The following NAALADL2 variants were observed in gnomAD, a reference collection of about 807,000 sequenced individuals.
The protein encoded by NAALADL2 is inactive N-acetylated-alpha-linked acidic dipeptidase-like protein 2.
In NAALADL2, 76 loss-of-function variants were observed where a neutral mutation model predicts 87.2. The observed-to-expected ratio is 0.87, with a 90% CI of 0.72 to 1.05. The LOEUF is 1.05. Among genes scored for constraint, NAALADL2 ranks in the 50% least tolerant of loss-of-function variants. The pLI is 0.00. For missense variants in NAALADL2, 1,089 were observed against 945.8 expected, an observed-to-expected ratio of 1.15 and a Z score of -1.99; for synonymous variants, 354 against 331.0, an observed-to-expected ratio of 1.07 and a Z score of -0.75.
rs867687826 is a variant in NAALADL2 at position 175,013,206 on chromosome 3, A to G, written c.44-83584A>G. ...TATATAAATATATATACATAAATAT[A>G]TAATATATATTTATATATAAATATA... On this transcript the variant is annotated intron_variant, in intron 1 of 13. Coordinates refer to ENST00000454872, the MANE Select transcript of NAALADL2 (RefSeq NM_207015.3). 2.8e-3 allele frequency among the ~76,000 whole-genome samples: 273 copies of G among 96,692 alleles called. 2 individuals carry two copies. Among genetic ancestry groups the G allele is most frequent in the Admixed American group, 3.7e-3 (28 of 7,512 alleles). The allele number at this position is 96,692 out of a possible 152,430, so 63.4% of individuals were successfully genotyped here. A position where few individuals can be genotyped will look rare whatever the true frequency, so the allele number is the denominator to read the frequency against.
chr3:175,119,711 A>ATATAGATATAGATATAGATATAGT (rs1459782317), intron 2 of NAALADL2, among the ~76,000 whole-genome samples: 2 of 147,984 alleles, frequency 1.4e-5, no homozygotes, highest in East Asian at 3.9e-4. Context: ...ATAGATATAG[A>ATATAGATATAGATATAGATATAGT]TATATAATGT....
chr3:174,790,457 C>A (rs1276690945), intron 3 of NAALADL2, among the ~76,000 whole-genome samples: 7 of 151,960 alleles, frequency 4.6e-5, no homozygotes, highest in Admixed American at 2.6e-4. Context: ...CGAGACCAGC[C>A]TGGCCAACAT....
At chr3:175,729,760 A>G (rs1297858721) in intron 11 of NAALADL2, among the ~76,000 whole-genome samples, 1 of 142,382 alleles carries the variant, frequency 7.0e-6, no homozygotes, top group African/African-American at 2.7e-5. Flanking sequence ...AATTTAATTC[A>G]GCTGAAGGTT....
chr3:174,721,649 C>G (rs773509689), intron 2 of NAALADL2, among the ~76,000 whole-genome samples: 2 of 152,184 alleles, frequency 1.3e-5, no homozygotes, highest in Non-Finnish European at 2.9e-5. Context: ...ACTATGTAAG[C>G]TAATGAATGT....
At chr3:175,431,836 T>A (rs898099750) in intron 5 of NAALADL2, among the ~76,000 whole-genome samples, 7 of 152,002 alleles carry the variant, frequency 4.6e-5, no homozygotes, top group Non-Finnish European at 7.4e-5. Flanking sequence ...TCCGTGTGAT[T>A]AATAGGACTT....
At chr3:175,752,562 A>C (rs1424554636) in intron 12 of NAALADL2, among the ~76,000 whole-genome samples, 3 of 152,138 alleles carry the variant, frequency 2.0e-5, no homozygotes, top group Non-Finnish European at 4.4e-5. Flanking sequence ...TGATTGAGTA[A>C]ACATTGAAAA....
At chr3:175,753,890 C>A (rs568053942) in intron 12 of NAALADL2, among the ~76,000 whole-genome samples, 1 of 152,132 alleles carries the variant, frequency 6.6e-6, no homozygotes, top group African/African-American at 2.4e-5. Context: ...CTCAAAACTG[C>A]CAATTTAGGT....
chr3:174,801,623 CA>C (rs1412043885), intron 3 of NAALADL2, among the ~76,000 whole-genome samples: 4 of 152,066 alleles, frequency 2.6e-5, no homozygotes, highest in Non-Finnish European at 5.9e-5. Context: ...TGATATTAGC[CA>C]TTTTATTCAT....
At chr3:175,612,321 T>C (rs1234332224) in intron 10 of NAALADL2, among the ~76,000 whole-genome samples, 2 of 152,172 alleles carry the variant, frequency 1.3e-5, no homozygotes, top group African/African-American at 4.8e-5. Flanking sequence ...GGCTTAATAT[T>C]TGACAAAAAG....
intron 1 of NAALADL2, among the ~76,000 whole-genome samples, chr3:174,955,095 T>C (rs1332303948): frequency 6.6e-6 from 1 of 152,134 alleles, no homozygotes; most frequent in East Asian, 1.9e-4. Flanking sequence ...CCAAGAAAGA[T>C]TGAAATGGCT....
At chr3:175,754,624 T>A (rs1173660553) in intron 12 of NAALADL2, among the ~76,000 whole-genome samples, 1 of 152,212 alleles carries the variant, frequency 6.6e-6, no homozygotes, top group East Asian at 1.9e-4. Flanking sequence ...TATCTCAGGT[T>A]CTCAAGAGAA....
chr3:175,181,418 T>A (rs1736446851), intron 2 of NAALADL2, among the ~76,000 whole-genome samples: 1 of 151,850 alleles, frequency 6.6e-6, no homozygotes. Context: ...GCTTATCATT[T>A]ATTCCTCTTG....
At chr3:174,848,803 T>C (rs1042127946) in intron 3 of NAALADL2, among the ~76,000 whole-genome samples, 16 of 152,188 alleles carry the variant, frequency 1.1e-4, no homozygotes, top group African/African-American at 3.9e-4. Flanking sequence ...TAGAGTGTAC[T>C]TCATAGAGCA....
chr3:175,705,471 A>C (rs1010034050), intron 11 of NAALADL2, among the ~76,000 whole-genome samples: 8 of 152,032 alleles, frequency 5.3e-5, no homozygotes, highest in African/African-American at 1.4e-4. Context: ...ATTACCTCAC[A>C]AACAAGTATT....
chr3:174,845,884 G>A (rs955709992), intron 3 of NAALADL2, among the ~76,000 whole-genome samples: 1 of 152,202 alleles, frequency 6.6e-6, no homozygotes, highest in Non-Finnish European at 1.5e-5. Context: ...CTTAGGAATG[G>A]ACGAGGTTGG....
chr3:175,267,919 T>G (rs189811147), intron 4 of NAALADL2, among the ~76,000 whole-genome samples: 55 of 152,322 alleles, frequency 3.6e-4, no homozygotes, highest in Admixed American at 3.1e-3. Flanking sequence ...AGTGTAATGA[T>G]AGTGTTGTCT....
chr3:174,766,005 C>T (rs1332413220), intron 3 of NAALADL2, among the ~76,000 whole-genome samples: 1 of 152,140 alleles, frequency 6.6e-6, no homozygotes, highest in Non-Finnish European at 1.5e-5. Flanking sequence ...ACCTAAGGAC[C>T]ATTTCAGATA....
At chr3:175,607,457 G>A (rs918505434) in intron 10 of NAALADL2, among the ~76,000 whole-genome samples, 2 of 152,208 alleles carry the variant, frequency 1.3e-5, no homozygotes, top group Admixed American at 6.5e-5. Context: ...TCACATCTGT[G>A]TAATCCTTGA....
At chr3:174,872,193 A>G (rs888104874) in intron 1 of NAALADL2, among the ~76,000 whole-genome samples, 1 of 152,178 alleles carries the variant, frequency 6.6e-6, no homozygotes, top group African/African-American at 2.4e-5. Flanking sequence ...GATGCTGATT[A>G]TGATGATAAG....
Sources: allele counts gnomAD v4.1 joint callset (sites outside exome capture counted in the v4.1 genomes callset), GRCh38; gene constraint gnomAD v4.1.1; transcripts MANE v1.5; gene names NCBI Gene and HGNC (gene_info 2026-07-23, HGNC 2026-07-21).